The following SCUBE1 variants were observed in gnomAD, a reference collection of about 807,000 sequenced individuals.
SCUBE1 encodes the protein signal peptide, CUB and EGF-like domain-containing protein 1.
In SCUBE1, 59 loss-of-function variants were observed where a neutral mutation model predicts 124.4. The observed-to-expected ratio is 0.47, with a 90% CI of 0.38 to 0.59. The LOEUF is 0.59. Among genes scored for constraint, SCUBE1 ranks in the 20% least tolerant of loss-of-function variants. The pLI is 0.00. For missense variants in SCUBE1, 1,150 were observed against 1,371.2 expected, an observed-to-expected ratio of 0.84 and a Z score of 2.55; for synonymous variants, 545 against 550.9, an observed-to-expected ratio of 0.99 and a Z score of 0.15.
intron 10 of SCUBE1, among the ~76,000 whole-genome samples, chr22:43,224,483 C>T (rs1289254951): frequency 2.0e-5 from 3 of 152,200 alleles, no homozygotes; most frequent in Non-Finnish European, 2.9e-5. Context: ...GGATAGATAA[C>T]AGGGTGCTCC....
intron 4 of SCUBE1, among the ~76,000 whole-genome samples, chr22:43,267,500 T>C (rs1413046190): frequency 6.6e-6 from 1 of 152,108 alleles, no homozygotes; most frequent in Non-Finnish European, 1.5e-5. Context: ...ATGTGGGAAA[T>C]TCGCAGCACA....
At chr22:43,328,698 G>A (rs950489327) in intron 2 of SCUBE1, among the ~76,000 whole-genome samples, 1 of 152,096 alleles carries the variant, frequency 6.6e-6, no homozygotes, top group African/African-American at 2.4e-5. Context: ...ATCCAGCAGT[G>A]GGCAGGGCCT....
In SCUBE1 at chr22:43,332,586, C is replaced by T. The variant is rs1601898433; in HGVS notation, c.220+6518G>A. ...TGGGGGACGAAACCCAGGCCCTGCT[C>T]CCTCTCAGCTGGGAGGCCTGGCTAG... On this transcript the variant is annotated intron_variant, in intron 2 of 21. Transcript: ENST00000360835. Among the ~76,000 whole-genome samples the T allele has an allele frequency of 2.0e-5, 3 of 152,290 alleles. No individual in the cohort carries two copies. The South Asian group carries it at 6.2e-4, about 32-fold the overall frequency.
In SCUBE1 at chr22:43,210,355, C is replaced by A. The variant is rs1400004991; in HGVS notation, c.2384-115G>T. 1 of 860,414 alleles carries A rather than the reference C, an allele frequency of 1.2e-6. No individual in the cohort carries two copies. The highest frequency in any genetic ancestry group is 1.7e-6 in the Non-Finnish European group (1 of 597,642). 53.3% of individuals were successfully genotyped at this position (860,414 alleles called of 1,614,324 possible). A position where few individuals can be genotyped will look rare whatever the true frequency, so the allele number is the denominator to read the frequency against. On this transcript the variant is annotated intron_variant, in intron 18 of 21. Coordinates refer to ENST00000360835, the MANE Select transcript of SCUBE1 (RefSeq NM_173050.5). This position sits in a 1 kb window ranked among gnomAD's most constrained non-coding sequence, Gnocchi z 4.5. ...GCAGGGCTGGAAGGTGCTCTTGTCC[C>A]CCCCCACACTAGCCCTCGGACCCTG...
chr22:43,327,635 A>G (rs953744683), intron 2 of SCUBE1, among the ~76,000 whole-genome samples: 3 of 151,918 alleles, frequency 2.0e-5, no homozygotes, highest in African/African-American at 7.3e-5. Flanking sequence ...AAAATACAAA[A>G]AATTAGCCAG....
chr22:43,317,237 A>G (rs1201070404), intron 3 of SCUBE1: 1 of 152,364 alleles, frequency 6.6e-6, no homozygotes. Context: ...CAGCCGAGTC[A>G]GCTGGAGTAG....
chr22:43,227,335 G>C (rs1406005539), intron 10 of SCUBE1, 39 bp downstream of exon 10: 1 of 1,591,214 alleles, frequency 6.3e-7, no homozygotes, highest in Non-Finnish European at 8.5e-7. Context: ...CCAAGCCCAG[G>C]TGCAGGGGAG....
intron 2 of SCUBE1, among the ~76,000 whole-genome samples, chr22:43,336,957 CTG>C (rs34868094): frequency 0.17 from 25,577 of 150,216 alleles, 2,437 homozygotes; most frequent in Admixed American, 0.2. Context: ...GTGTGTATGT[CTG>C]TGTGTGTGTG....
intron 1 of SCUBE1, 121 bp from the exon 2 acceptor site, chr22:43,339,356 A>G (rs1165644090): frequency 7.6e-6 from 7 of 919,508 alleles, no homozygotes; most frequent in Non-Finnish European, 1.1e-5. Flanking sequence ...GCTCATTGGC[A>G]ATAACAGCTG....
chr22:43,317,146 G>T (rs1231284301), intron 3 of SCUBE1: 1 of 152,206 alleles, frequency 6.6e-6, no homozygotes, highest in African/African-American at 2.4e-5. Flanking sequence ...GGAAAAAAAT[G>T]TTTTATGCCC....
intron 3 of SCUBE1, among the ~76,000 whole-genome samples, chr22:43,296,716 G>A (rs1310496380): frequency 6.6e-6 from 1 of 152,224 alleles, no homozygotes; most frequent in African/African-American, 2.4e-5. Context: ...ATGTACAACT[G>A]TATCTGTGAT....
chr22:43,212,366 C>CG (rs1569496242), intron 17 of SCUBE1, 59 bp downstream of exon 17: 1 of 1,510,158 alleles, frequency 6.6e-7, no homozygotes, highest in Non-Finnish European at 8.9e-7. Context: ...GGAAGCCTCT[C>CG]GGAGCAGTGC....
At chr22:43,222,789 C>T in intron 11 of SCUBE1, 47 bp from the exon 12 acceptor site, 2 of 1,422,232 alleles carry the variant, frequency 1.4e-6, no homozygotes, top group Middle Eastern at 1.8e-4. Context: ...TCCTCCCTCC[C>T]ACGGCCCTCA....
intron 3 of SCUBE1, among the ~76,000 whole-genome samples, chr22:43,295,230 C>T (rs759259629): frequency 6.6e-6 from 1 of 152,216 alleles, no homozygotes; most frequent in African/African-American, 2.4e-5. Context: ...GCTCAGCCTC[C>T]TCCTCCGTGT....
At chr22:43,277,417 C>T (rs1198358576) in intron 4 of SCUBE1, among the ~76,000 whole-genome samples, 1 of 152,180 alleles carries the variant, frequency 6.6e-6, no homozygotes, top group Admixed American at 6.5e-5. Context: ...GCCGCACTAA[C>T]TCAGGCAAAA....
In SCUBE1 at chr22:43,211,753, A is replaced by G. The variant is rs1921570312; in HGVS notation, c.2222-670T>C. ...TAGCCGGGCTGGCCTCAAACTTCTG[A>G]CCTCAGGTGATCCACCCCCTTTGGC... On this transcript the variant is annotated intron_variant, in intron 17 of 21. Transcript: ENST00000360835. The surrounding 1 kb of genome is among the most constrained non-coding windows in gnomAD (Gnocchi z 4.5). Among the ~76,000 whole-genome samples, 1 of 151,970 alleles carries G rather than the reference A, an allele frequency of 6.6e-6. No individual in the cohort carries two copies. Among genetic ancestry groups the G allele is most frequent in the African/African-American group, 2.4e-5 (1 of 41,356 alleles).
chr22:43,285,702 C>T (rs1925112200), intron 4 of SCUBE1, among the ~76,000 whole-genome samples: 1 of 152,068 alleles, frequency 6.6e-6, no homozygotes, highest in Non-Finnish European at 1.5e-5. Flanking sequence ...CCTGGTGCTC[C>T]CTCTGTGTTG....
intron 3 of SCUBE1, among the ~76,000 whole-genome samples, chr22:43,313,706 T>C (rs1216159227): frequency 1.3e-5 from 2 of 152,130 alleles, no homozygotes; most frequent in South Asian, 2.1e-4. Context: ...AGATGTCAAA[T>C]AGAGTGAGGG....
At chr22:43,243,066 G>C (rs1923070729) in intron 6 of SCUBE1, among the ~76,000 whole-genome samples, 1 of 152,200 alleles carries the variant, frequency 6.6e-6, no homozygotes, top group African/African-American at 2.4e-5. Context: ...ACCAATCGTG[G>C]GCCCTTCTAA....
Sources: gnomAD v4.1 joint callset for allele counts (sites outside exome capture counted in the v4.1 genomes callset) on GRCh38, gnomAD v4.1.1 for gene constraint, Gnocchi (gnomAD v3.1) non-coding constraint, MANE v1.5 for transcripts, NCBI Gene and HGNC (gene_info 2026-07-23, HGNC 2026-07-21) for gene names.